SLC43A2: variants seen among roughly 807,000 people sequenced by gnomAD.
SLC43A2 encodes solute carrier family 43 member 2, also known as large neutral amino acids transporter small subunit 4.
In SLC43A2, 38 loss-of-function variants were observed where a neutral mutation model predicts 63.2. That is an observed-to-expected ratio of 0.60 (90% confidence interval 0.46 to 0.79). SLC43A2 has a LOEUF of 0.79. Among genes scored for constraint, SLC43A2 ranks in the 30% least tolerant of loss-of-function variants. The pLI is 0.00. For missense variants in SLC43A2, 644 were observed against 756.2 expected (o/e 0.85, Z 1.74); for synonymous variants, 322 against 331.0 (o/e 0.97, Z 0.30).
At chr17:1,599,903 G>T (rs1295826390) in intron 5 of SLC43A2, among the ~76,000 whole-genome samples, 1 of 149,370 alleles carries the variant, frequency 6.7e-6, no homozygotes, top group Non-Finnish European at 1.5e-5. Context: ...AATTAGCTGG[G>T]CGTGGTGGCG....
intron 2 of SLC43A2, among the ~76,000 whole-genome samples, chr17:1,621,131 G>A (rs969178514): frequency 3.9e-5 from 6 of 152,152 alleles, no homozygotes; most frequent in African/African-American, 1.4e-4. Context: ...CAGGGAGGAC[G>A]TACACCGTTC....
chr17:1,585,780 A>C lies in SLC43A2; in HGVS notation c.1217+133T>G, dbSNP rs1265547415. On this transcript the variant is annotated intron_variant, in intron 10 of 13. Coordinates refer to ENST00000301335, the MANE Select transcript of SLC43A2 (RefSeq NM_152346.3). ...CTGAGCTGAATGAGTGAGTCTCTCTAAGGGCTCCGGGAGCAGCTGGAGTGC... is the reference window on the plus strand; with the variant it reads ...CTGAGCTGAATGAGTGAGTCTCTCTCAGGGCTCCGGGAGCAGCTGGAGTGC... The C allele has an allele frequency of 1.9e-6, 3 of 1,597,798 alleles. No individual in the cohort carries two copies. In the Admixed American group the frequency reaches 5.0e-5, roughly 27 times the overall value.
At position 1,626,172 on chromosome 17, in the gene SLC43A2, CT is replaced by C. The variant is rs35737749; in HGVS notation, c.160+1542del. On this transcript the variant is annotated intron_variant, in intron 2 of 13. Transcript: ENST00000301335. Reference sequence around the variant, plus strand: ...TCTGGGGACGATGACTTTTTTTCTGCTTTTTTTTTTTTTTTTTAAACCCTGT... The same window carrying C: ...TCTGGGGACGATGACTTTTTTTCTGCTTTTTTTTTTTTTTTTAAACCCTGT... 2.4e-3 allele frequency among the ~76,000 whole-genome samples: 317 copies of C among 134,500 alleles called. 1 individual carries two copies. Among genetic ancestry groups the C allele is most frequent in the African/African-American group, 2.8e-3 (99 of 35,930 alleles). 88.2% of individuals were successfully genotyped at this position (134,500 alleles called of 152,430 possible). A position where few individuals can be genotyped will look rare whatever the true frequency, so the allele number is the denominator to read the frequency against.
At chr17:1,575,874 G>A in intron 13 of SLC43A2, 109 bp from the exon 14 acceptor site, 1 of 1,273,402 alleles carries the variant, frequency 7.9e-7, no homozygotes. Context: ...GGGTGGAAGG[G>A]GGAACGAAAC....
chr17:1,586,928 T>TGGCCCCCCCCCCCCCCC, intron 9 of SLC43A2: 13 of 1,232,818 alleles, frequency 1.1e-5, no homozygotes, highest in Non-Finnish European at 1.3e-5. Context: ...TCCCTGACAA[T>TGGCCCCCCCCCCCCCCC]CCCCCCCACC....
intron 11 of SLC43A2, among the ~76,000 whole-genome samples, chr17:1,582,372 C>T (rs2076032804): frequency 6.6e-6 from 1 of 152,194 alleles, no homozygotes; most frequent in African/African-American, 2.4e-5. Context: ...GAGCCACCGG[C>T]CTGGAATGAA....
At chr17:1,625,022 T>C (rs1908542910) in intron 2 of SLC43A2, among the ~76,000 whole-genome samples, 1 of 152,090 alleles carries the variant, frequency 6.6e-6, no homozygotes, top group African/African-American at 2.4e-5. Context: ...CACGTTGCCA[T>C]CCCAGAGGCC....
rs2075835782 is a variant in SLC43A2 at position 1,570,708 on chromosome 17, G to T, written c.*4896C>A. The stretch of plus-strand genomic sequence containing the variant: ...TCACCGTTTTAGCCGGGATGGTCTT[G>T]ATCTCCTGACCTCGTGATCCGCCCG... On this transcript the variant is annotated 3_prime_UTR_variant, in exon 14 of 14. Transcript: ENST00000301335. 6.6e-6 allele frequency: 1 copy of T among 151,106 alleles called. No individual in the cohort carries two copies. Among genetic ancestry groups the T allele is most frequent in the Non-Finnish European group, 1.5e-5 (1 of 67,726 alleles). The allele number at this position is 151,106 out of a possible 1,614,324, so 9.4% of individuals were successfully genotyped here.
intron 5 of SLC43A2, among the ~76,000 whole-genome samples, chr17:1,608,183 A>G (rs1906788904): frequency 2.0e-5 from 3 of 152,050 alleles, no homozygotes; most frequent in Admixed American, 6.6e-5. Context: ...TGGCCTGGCA[A>G]TGGCGGTTTG....
intron 3 of SLC43A2, among the ~76,000 whole-genome samples, chr17:1,615,571 C>T (rs546160138): frequency 1.5e-4 from 23 of 149,858 alleles, no homozygotes; most frequent in African/African-American, 4.9e-4. Context: ...GGGCCAGGCA[C>T]GATGGCTCAC....
rs370969183 is a variant in SLC43A2 at position 1,593,179 on chromosome 17, G to A, written c.594+8C>T. The A allele has an allele frequency of 1.2e-5, 20 of 1,612,450 alleles. No homozygotes were observed. Among genetic ancestry groups the A allele is most frequent in the Admixed American group, 3.3e-5 (2 of 59,860 alleles). ...GCACAGACACCAGTGCAAAATACAC[G>A]TGCTCACCTTGATTCCTGGAAAGGT... On this transcript the variant is annotated splice_region_variant and intron_variant, in intron 6 of 13. Coordinates refer to ENST00000301335, the MANE Select transcript of SLC43A2 (RefSeq NM_152346.3). The surrounding 1 kb of genome is among the most constrained non-coding windows in gnomAD (Gnocchi z 5.3).
At chr17:1,599,220 G>A (rs1905648073) in intron 5 of SLC43A2, among the ~76,000 whole-genome samples, 2 of 151,912 alleles carry the variant, frequency 1.3e-5, no homozygotes, top group Admixed American at 6.6e-5. Context: ...TGCACCTGTA[G>A]TCCCAGGTAC....
At position 1,606,634 on chromosome 17, in the gene SLC43A2, C is replaced by T. The variant is rs993944017; in HGVS notation, c.501+6561G>A. ...CCAAGATGCGGCCTCAGCCGCCGGC[C>T]GTGTTTGTGCTCCAGCCGATGAAGC... On this transcript the variant is annotated intron_variant, in intron 5 of 13. Transcript: ENST00000301335. The surrounding 1 kb of genome is among the most constrained non-coding windows in gnomAD (Gnocchi z 4.7). 3.3e-5 allele frequency among the ~76,000 whole-genome samples: 5 copies of T among 152,318 alleles called. No homozygotes were observed. Among genetic ancestry groups the T allele is most frequent in the East Asian group, 1.9e-4 (1 of 5,190 alleles).
chr17:1,577,873 G>A lies in SLC43A2; in HGVS notation c.1424+377C>T, dbSNP rs1403526265. On this transcript the variant is annotated intron_variant, in intron 12 of 13. Transcript: ENST00000301335. This position sits in a 1 kb window ranked among gnomAD's most constrained non-coding sequence, Gnocchi z 4.9. ...CGTGATGAGGGCAACTGGAACTTCC[G>A]CATTTAGCTTCAGGCAGCCAGAACC... Among the ~76,000 whole-genome samples the A allele has an allele frequency of 6.6e-6, 1 of 152,158 alleles. No individual in the cohort carries two copies. Among genetic ancestry groups the A allele is most frequent in the African/African-American group, 2.4e-5 (1 of 41,450 alleles).
At chr17:1,612,852 G>A (rs376690285) in intron 5 of SLC43A2, among the ~76,000 whole-genome samples, 4 of 152,136 alleles carry the variant, frequency 2.6e-5, no homozygotes, top group African/African-American at 9.7e-5. Context: ...CACGCCCATA[G>A]TCCCAGCTAC....
intron 9 of SLC43A2, among the ~76,000 whole-genome samples, chr17:1,586,332 G>C (rs919807335): frequency 2.6e-5 from 4 of 152,174 alleles, no homozygotes; most frequent in Admixed American, 2.6e-4. Flanking sequence ...CAGAGCTCCA[G>C]GAAGTCGCTA....
chr17:1,578,383 C>T lies in SLC43A2; in HGVS notation c.1351-60G>A, dbSNP rs2075965437. On this transcript the variant is annotated intron_variant, in intron 11 of 13. Transcript: ENST00000301335. The surrounding 1 kb of genome is among the most constrained non-coding windows in gnomAD (Gnocchi z 6.5). ...CTTAAGGGACCGTCCCCTCAGCCCC[C>T]GCCCTCCAATTCCTGGGGGCCCTCA... is the stretch of plus-strand genomic sequence containing the variant. 3.9e-6 allele frequency: 6 copies of T among 1,536,370 alleles called. No homozygotes were observed. The highest frequency in any genetic ancestry group is 5.3e-6 in the Non-Finnish European group (6 of 1,123,274).
intron 4 of SLC43A2, 84 bp downstream of exon 4, chr17:1,614,895 T>C (rs1451513041): frequency 1.5e-6 from 2 of 1,378,022 alleles, no homozygotes; most frequent in Non-Finnish European, 2.0e-6. Flanking sequence ...CCCAGGACAG[T>C]GTCCAAGAGC....
At chr17:1,590,547 ACACACCC>A (rs556506769) in intron 9 of SLC43A2, among the ~76,000 whole-genome samples, 154 of 152,168 alleles carry the variant, frequency 1.0e-3, no homozygotes, top group African/African-American at 3.6e-3. Flanking sequence ...ACTGGAAAAC[ACACACCC>A]CACACCCCAC....
Sources: allele counts gnomAD v4.1 joint callset (sites outside exome capture counted in the v4.1 genomes callset), GRCh38; gene constraint gnomAD v4.1.1; non-coding constraint Gnocchi (gnomAD v3.1); transcripts MANE v1.5; gene names NCBI Gene and HGNC (gene_info 2026-07-23, HGNC 2026-07-21).